GRK5: variants seen among roughly 807,000 people sequenced by gnomAD.
GRK5 encodes the protein g protein-coupled receptor kinase GRK5.
Under a neutral mutation model 78.4 loss-of-function variants are expected in GRK5, and 40 were observed. That is an observed-to-expected ratio of 0.51 (90% confidence interval 0.40 to 0.66). The LOEUF is 0.66. Among genes scored for constraint, GRK5 ranks in the 30% least tolerant of loss-of-function variants. GRK5 has a pLI of 0.00. For missense variants in GRK5, 598 were observed against 759.9 expected, an observed-to-expected ratio of 0.79 and a Z score of 2.50; for synonymous variants, 289 against 296.8, an observed-to-expected ratio of 0.97 and a Z score of 0.27.
At chr10:119,228,292 C>T (rs754621246) in intron 1 of GRK5, among the ~76,000 whole-genome samples, 83 of 151,958 alleles carry the variant, frequency 5.5e-4, no homozygotes, top group Non-Finnish European at 2.2e-4. Context: ...TTGCAGTGAG[C>T]CACGATGGTG....
intron 1 of GRK5, among the ~76,000 whole-genome samples, chr10:119,290,695 T>A (rs534543949): frequency 3.3e-5 from 5 of 152,022 alleles, no homozygotes; most frequent in South Asian, 4.2e-4. Flanking sequence ...GCTACCTACT[T>A]GTCCTTCCGA....
chr10:119,347,949 C>A lies in GRK5; in HGVS notation c.148+21338C>A, dbSNP rs541486009. Reference sequence around the variant, plus strand: ...CCCTTTCTCCTCCAGTGACCACCCCCCAACCTTTCCTTCTCCACAAAGGAG... The same window carrying A: ...CCCTTTCTCCTCCAGTGACCACCCCACAACCTTTCCTTCTCCACAAAGGAG... On this transcript the variant is annotated intron_variant, in intron 2 of 15. Transcript: ENST00000392870. Among the ~76,000 whole-genome samples the A allele has an allele frequency of 5.9e-5, 9 of 152,346 alleles. No homozygotes were observed. The South Asian group carries it at 1.9e-3, about 32-fold the overall frequency.
intron 1 of GRK5, among the ~76,000 whole-genome samples, chr10:119,218,710 C>G (rs1334112238): frequency 2.0e-5 from 3 of 152,148 alleles, no homozygotes; most frequent in African/African-American, 2.4e-5. Context: ...GAGCATCCAA[C>G]TTTTCTCAAG....
chr10:119,304,048 G>A (rs141093475), intron 1 of GRK5, among the ~76,000 whole-genome samples: 44 of 152,230 alleles, frequency 2.9e-4, no homozygotes, highest in African/African-American at 8.4e-4. Flanking sequence ...TCCAGAAGGC[G>A]GAGGGTGTGG....
chr10:119,275,611 T>TCTCTCTCTCTCTCG (rs574879389), intron 1 of GRK5, among the ~76,000 whole-genome samples: 279 of 123,938 alleles, frequency 2.3e-3, no homozygotes, highest in African/African-American at 7.5e-3. Context: ...TCTCTCTCTC[T>TCTCTCTCTCTCTCG]CGCACACACA....
intron 2 of GRK5, among the ~76,000 whole-genome samples, chr10:119,360,319 GCTTCT>G (rs1395826439): frequency 6.6e-6 from 1 of 152,236 alleles, no homozygotes. Flanking sequence ...TGTGCCTTTG[GCTTCT>G]CTTTAGTTGT....
intron 1 of GRK5, among the ~76,000 whole-genome samples, chr10:119,314,847 A>C (rs1243070954): frequency 6.6e-6 from 1 of 152,212 alleles, no homozygotes; most frequent in East Asian, 1.9e-4. Flanking sequence ...CTGAGGCTGG[A>C]TTCCCCATGA....
chr10:119,425,285 ACACACACAC>A (rs1852655891), intron 6 of GRK5, among the ~76,000 whole-genome samples, 200 bp downstream of exon 6: 2 of 132,606 alleles, frequency 1.5e-5, no homozygotes, highest in Non-Finnish European at 3.4e-5. Flanking sequence ...ACACACACAC[ACACACACAC>A]ACAAACACAC....
chr10:119,316,215 G>C (rs973703773), intron 1 of GRK5, among the ~76,000 whole-genome samples: 1 of 152,206 alleles, frequency 6.6e-6, no homozygotes, highest in Non-Finnish European at 1.5e-5. Context: ...CTCCATACAA[G>C]GACCAGACCC....
At chr10:119,374,600 C>T (rs1464092576) in intron 2 of GRK5, among the ~76,000 whole-genome samples, 2 of 152,154 alleles carry the variant, frequency 1.3e-5, no homozygotes, top group East Asian at 3.8e-4. Context: ...ACGTGTGTTG[C>T]TTATTGTATG....
At chr10:119,423,444 G>A (rs1852611442) in intron 5 of GRK5, among the ~76,000 whole-genome samples, 178 bp downstream of exon 5, 1 of 145,126 alleles carries the variant, frequency 6.9e-6, no homozygotes, top group South Asian at 2.2e-4. Flanking sequence ...AAGGTGCCAA[G>A]TCCAAAGAAA....
intron 1 of GRK5, among the ~76,000 whole-genome samples, chr10:119,222,983 G>A (rs1397574192): frequency 1.3e-5 from 2 of 152,242 alleles, no homozygotes; most frequent in Non-Finnish European, 2.9e-5. Context: ...CCCATCCCCA[G>A]GCTGTGTGTT....
intron 3 of GRK5, among the ~76,000 whole-genome samples, chr10:119,389,829 CA>C (rs1304876684): frequency 1.8e-5 from 2 of 114,242 alleles, no homozygotes; most frequent in African/African-American, 5.9e-5. Context: ...CACACACACA[CA>C]CACACACCCA....
chr10:119,359,338 A>C (rs899189539), intron 2 of GRK5, among the ~76,000 whole-genome samples: 1 of 152,224 alleles, frequency 6.6e-6, no homozygotes, highest in Admixed American at 6.5e-5. Flanking sequence ...GATGAGCTGT[A>C]GCTGTTTTCC....
At chr10:119,349,353 G>A (rs1305275116) in intron 2 of GRK5, among the ~76,000 whole-genome samples, 1 of 152,236 alleles carries the variant, frequency 6.6e-6, no homozygotes, top group Non-Finnish European at 1.5e-5. Flanking sequence ...GTCCAGCTCT[G>A]TGTCTGACTC....
At chr10:119,274,026 G>A (rs182768047) in intron 1 of GRK5, among the ~76,000 whole-genome samples, 7 of 152,308 alleles carry the variant, frequency 4.6e-5, no homozygotes, top group African/African-American at 7.2e-5. Context: ...GATTATAGGC[G>A]TCAACTACCG....
At chr10:119,241,401 C>T (rs1430766984) in intron 1 of GRK5, among the ~76,000 whole-genome samples, 1 of 152,236 alleles carries the variant, frequency 6.6e-6, no homozygotes, top group Admixed American at 6.5e-5. Context: ...CAGCAACTGA[C>T]AGGTTCAATA....
chr10:119,433,182 CG>C (rs1684544744), intron 8 of GRK5, among the ~76,000 whole-genome samples: 1 of 152,154 alleles, frequency 6.6e-6, no homozygotes, highest in South Asian at 2.1e-4. Context: ...CCAGCCTTGT[CG>C]GGGGTGCAGG....
chr10:119,436,656 C>A lies in GRK5; in HGVS notation c.744C>A (p.Asn248Lys). Residue 248 changes from asparagine (N) to lysine (K), a missense_variant, in exon 9 of 16, where the codon AAC becomes AAA. Transcript: ENST00000392870. The part of the protein sequence containing the change: ...LEKVNSQFVV[N>K]LAYAYETKDA... Reference sequence around the variant, plus strand: ...CACTGTTCTTGTGCTCCCAGGTCAACCTGGCCTATGCCTACGAGACCAAGG... The same window carrying A: ...CACTGTTCTTGTGCTCCCAGGTCAAACTGGCCTATGCCTACGAGACCAAGG... The A allele has an allele frequency of 6.2e-7, 1 of 1,614,164 alleles. No individual in the cohort carries two copies. Among genetic ancestry groups the A allele is most frequent in the Non-Finnish European group, 8.5e-7 (1 of 1,180,030 alleles).
Sources: gnomAD v4.1 joint callset for allele counts (sites outside exome capture counted in the v4.1 genomes callset) on GRCh38, gnomAD v4.1.1 for gene constraint, MANE v1.5 for transcripts, NCBI Gene and HGNC (gene_info 2026-07-23, HGNC 2026-07-21) for gene names.